The following TACC1 variants were observed in gnomAD, a reference collection of about 807,000 sequenced individuals.
The protein encoded by TACC1 is transforming acidic coiled-coil-containing protein 1.
In TACC1, 48 loss-of-function variants were observed where a neutral mutation model predicts 84.4. That is an observed-to-expected ratio of 0.57 (90% CI 0.45 to 0.72). TACC1 has a LOEUF of 0.72. Ranked by LOEUF, TACC1 falls within the 30% of genes least tolerant of loss-of-function variation. The pLI is 0.00. For synonymous variants in TACC1, 372 were observed against 376.3 expected (o/e 0.99, Z 0.13); for missense variants, 920 against 973.0 (o/e 0.95, Z 0.72).
At chr8:38,830,929 G>T (rs1476444592) in intron 5 of TACC1, among the ~76,000 whole-genome samples, 196 bp from the exon 6 acceptor site, 2 of 152,200 alleles carry the variant, frequency 1.3e-5, no homozygotes, top group African/African-American at 4.8e-5. Context: ...GACTAACCAT[G>T]TGCTCCTCTT....
At chr8:38,789,744 G>A (rs2151998533) in intron 2 of TACC1, among the ~76,000 whole-genome samples, 1 of 152,298 alleles carries the variant, frequency 6.6e-6, no homozygotes, top group East Asian at 1.9e-4. Flanking sequence ...CCAGCAGAAG[G>A]AGTGGCATCT....
At chr8:38,841,542 C>G (rs1831274050) in intron 9 of TACC1, among the ~76,000 whole-genome samples, 1 of 152,242 alleles carries the variant, frequency 6.6e-6, no homozygotes, top group African/African-American at 2.4e-5. Flanking sequence ...CTGTCAAAGT[C>G]CAGGAGGATA....
intron 9 of TACC1, 137 bp from the exon 10 acceptor site, chr8:38,842,150 A>C: frequency 4.1e-6 from 4 of 975,318 alleles, no homozygotes; most frequent in Admixed American, 4.8e-5. Context: ...CGTCTCCCCC[A>C]ACTAGAGTAT....
chr8:38,752,903 G>A (rs770240057), intron 3 of TACC1, among the ~76,000 whole-genome samples: 15 of 152,052 alleles, frequency 9.9e-5, no homozygotes, highest in East Asian at 1.9e-4. Flanking sequence ...TTGGCATTAC[G>A]AAATTTCTCA....
At chr8:38,789,015 A>C (rs903535238) in intron 2 of TACC1, among the ~76,000 whole-genome samples, 196 bp downstream of exon 2, 2 of 152,138 alleles carry the variant, frequency 1.3e-5, no homozygotes, top group Non-Finnish European at 2.9e-5. Context: ...GAGTTTGTGC[A>C]TTTGCAGTAT....
rs1371636986 is a variant in TACC1 at position 38,836,161 on chromosome 8, G to T, written c.1714-1G>T. On this transcript the variant is annotated splice_acceptor_variant, in intron 6 of 12. Coordinates refer to ENST00000317827, the MANE Select transcript of TACC1 (RefSeq NM_006283.3). LOFTEE classifies it high-confidence loss of function. Reference sequence around the variant, plus strand: ...ATTCAGTGTAATCCCTTTCCCCACAGGGGCTGCTGGAGTCCTCTGCAGAGA... The same window carrying T: ...ATTCAGTGTAATCCCTTTCCCCACATGGGCTGCTGGAGTCCTCTGCAGAGA... The T allele has an allele frequency of 3.7e-6, 6 of 1,613,046 alleles. No individual in the cohort carries two copies. The African/African-American group carries it at 8.0e-5, about 22-fold the overall frequency.
At chr8:38,797,849 G>T (rs994556570) in intron 2 of TACC1, among the ~76,000 whole-genome samples, 1 of 152,210 alleles carries the variant, frequency 6.6e-6, no homozygotes, top group South Asian at 2.1e-4. Flanking sequence ...GGTTGGGGAT[G>T]GGGGAGAAGT....
chr8:38,772,786 A>G (rs1813907342), intron 3 of TACC1, among the ~76,000 whole-genome samples: 1 of 152,070 alleles, frequency 6.6e-6, no homozygotes, highest in Admixed American at 6.5e-5. Context: ...TGTTGATTTA[A>G]ATATTACTAT....
At chr8:38,745,936 C>A (rs1431381749) in intron 3 of TACC1, among the ~76,000 whole-genome samples, 4 of 152,184 alleles carry the variant, frequency 2.6e-5, no homozygotes, top group Non-Finnish European at 5.9e-5. Context: ...GCTTTAAACT[C>A]CTGGGCTCAA....
rs983161393 is a variant in TACC1, at chr8:38,820,547, T to A, written c.1303T>A (p.Leu435Ile). Residue 435 changes from leucine (L) to isoleucine (I), a missense_variant, in exon 3 of 13, where the codon TTA (leucine) becomes ATA (isoleucine). Leu to Ile is a conservative substitution (Grantham distance 5). Around this residue, in one of 2 missense-constraint regions of TACC1, gnomAD observed 762 missense variants for 747.3 expected, o/e 1.02. Coordinates refer to ENST00000317827, the MANE Select transcript of TACC1 (RefSeq NM_006283.3). The stretch of plus-strand genomic sequence containing the variant: ...GGATCCCTTTAAACCAACTACGACC[T>A]TAACAAGCAGTGACTTTTGTTCTCC... ...SMDPFKPTTT[L>I]TSSDFCSPTG... is the part of the protein sequence containing the mutation. 1.2e-6 allele frequency: 2 copies of A among 1,614,146 alleles called. No individual in the cohort carries two copies. The highest frequency in any genetic ancestry group is 1.3e-5 in the African/African-American group (1 of 75,044).
chr8:38,757,338 A>G, intron 3 of TACC1: 1 of 1,266,930 alleles, frequency 7.9e-7, no homozygotes, highest in East Asian at 6.9e-5. Flanking sequence ...GCGCCATGGG[A>G]GGCTCCCACT....
intron 3 of TACC1, among the ~76,000 whole-genome samples, chr8:38,763,102 T>A (rs1037224724): frequency 3.4e-4 from 52 of 152,172 alleles, no homozygotes; most frequent in African/African-American, 1.2e-3. Context: ...TTGTTGTTTT[T>A]AAATAGGCAT....
At chr8:38,740,317 C>T (rs2151668489) in intron 1 of TACC1, among the ~76,000 whole-genome samples, 1 of 152,176 alleles carries the variant, frequency 6.6e-6, no homozygotes, top group East Asian at 1.9e-4. Context: ...CAAGCCTCTG[C>T]TTCCCTTCTT....
chr8:38,789,417 A>C (rs1818129871), intron 2 of TACC1, among the ~76,000 whole-genome samples: 1 of 152,208 alleles, frequency 6.6e-6, no homozygotes, highest in African/African-American at 2.4e-5. Flanking sequence ...GTTCAGAATA[A>C]AATTTCACCT....
intron 3 of TACC1, among the ~76,000 whole-genome samples, chr8:38,770,428 C>T (rs1016642710): frequency 5.9e-5 from 9 of 152,134 alleles, no homozygotes; most frequent in African/African-American, 2.2e-4. Flanking sequence ...CGCTCTCCCC[C>T]TTCGCACATT....
intron 8 of TACC1, 142 bp from the exon 9 acceptor site, chr8:38,840,078 AAGAT>A: frequency 3.0e-6 from 1 of 330,122 alleles, no homozygotes; most frequent in Non-Finnish European, 5.6e-6. Context: ...AAAAAAAAAA[AAGAT>A]AACGAGAGCC....
In TACC1 at chr8:38,852,801, AGTGT is replaced by A. The variant is rs1833276026; in HGVS notation, c.*4782_*4785del. Reference sequence around the variant, plus strand: ...CACTGTGTTCCCACGGGTGCCATGAAGTGTGTGAGGAGCCCCTCATCTGGAGGGA... The same window carrying A: ...CACTGTGTTCCCACGGGTGCCATGAAGTGAGGAGCCCCTCATCTGGAGGGA... On this transcript the variant is annotated 3_prime_UTR_variant, in exon 13 of 13. Transcript: ENST00000317827. 2 of 152,648 alleles carry A rather than the reference AGTGT, an allele frequency of 1.3e-5. No individual in the cohort carries two copies. Among genetic ancestry groups the A allele is most frequent in the South Asian group, 4.1e-4 (2 of 4,832 alleles). The allele number at this position is 152,648 out of a possible 1,614,324, so 9.5% of individuals were successfully genotyped here.
At chr8:38,808,160 C>G (rs1823200685) in intron 2 of TACC1, among the ~76,000 whole-genome samples, 1 of 152,178 alleles carries the variant, frequency 6.6e-6, no homozygotes, top group African/African-American at 2.4e-5. Flanking sequence ...TCATCAAACT[C>G]CTTCTAGAGA....
intron 2 of TACC1, among the ~76,000 whole-genome samples, chr8:38,806,413 G>A (rs1159294745): frequency 1.3e-5 from 2 of 151,964 alleles, no homozygotes; most frequent in African/African-American, 4.8e-5. Context: ...ATTAATTGAG[G>A]GGGGGCTCTC....
Sources: allele counts gnomAD v4.1 joint callset (sites outside exome capture counted in the v4.1 genomes callset), GRCh38; gene constraint gnomAD v4.1.1; regional missense constraint gnomAD v4.1.1; transcripts MANE v1.5; gene names NCBI Gene and HGNC (gene_info 2026-07-23, HGNC 2026-07-21).